NR2C2: variants seen among roughly 807,000 people sequenced by gnomAD.
NR2C2 encodes Nuclear hormone receptor TR4.
In NR2C2, 6 loss-of-function variants were observed where a neutral mutation model predicts 62.9. That is an observed-to-expected ratio of 0.10 (90% CI 0.05 to 0.19). NR2C2 has a LOEUF of 0.19. Ranked by LOEUF, NR2C2 falls within the 10% of genes least tolerant of loss-of-function variation. The pLI, the probability that NR2C2 is intolerant of heterozygous loss-of-function variation, is 1.00. For missense variants in NR2C2, 479 were observed against 762.7 expected (o/e 0.63, Z 4.38); for synonymous variants, 272 against 273.8 (o/e 0.99, Z 0.07).
chr3:14,997,185 G>A (rs1267979693), intron 1 of NR2C2, among the ~76,000 whole-genome samples: 1 of 152,172 alleles, frequency 6.6e-6, no homozygotes, highest in Non-Finnish European at 1.5e-5. Flanking sequence ...TTCTGTTAGA[G>A]TCGGTTATAG....
chr3:15,007,378 C>T (rs1005020017), intron 2 of NR2C2, among the ~76,000 whole-genome samples: 2 of 152,224 alleles, frequency 1.3e-5, no homozygotes, highest in African/African-American at 4.8e-5. Context: ...CCGCCTGCCT[C>T]GGCCTCCCAA....
At chr3:14,949,880 A>G (rs527734926) in intron 1 of NR2C2, among the ~76,000 whole-genome samples, 49 of 152,228 alleles carry the variant, frequency 3.2e-4, no homozygotes, top group Non-Finnish European at 6.0e-4. Context: ...AGATATTTAT[A>G]CACATACATA....
In NR2C2 at chr3:15,006,033, G is replaced by T. The variant is rs192104786; in HGVS notation, c.72+2047G>T. Among the ~76,000 whole-genome samples, 588 of 151,932 alleles carry T rather than the reference G, an allele frequency of 3.9e-3. 4 individuals are homozygous for T. The highest frequency in any genetic ancestry group is 4.7e-3 in the Non-Finnish European group (321 of 67,928). On this transcript the variant is annotated intron_variant, in intron 2 of 13. Coordinates refer to ENST00000425241, the MANE Select transcript of NR2C2 (RefSeq NM_001291694.2). ...CCAGCCTGGGCAACAAAGTGAGATTGTATCTCTACAAAAAAACTAAAAAAT... is the reference window on the plus strand; with the variant it reads ...CCAGCCTGGGCAACAAAGTGAGATTTTATCTCTACAAAAAAACTAAAAAAT...
intron 1 of NR2C2, among the ~76,000 whole-genome samples, chr3:14,966,907 T>G (rs1353094695): frequency 6.6e-6 from 1 of 152,242 alleles, no homozygotes; most frequent in Admixed American, 6.5e-5. Flanking sequence ...GTGACCTCTC[T>G]GTTTTTTGAA....
chr3:14,950,352 T>G (rs1213032089), intron 1 of NR2C2, among the ~76,000 whole-genome samples: 1 of 152,242 alleles, frequency 6.6e-6, no homozygotes, highest in Admixed American at 6.5e-5. Flanking sequence ...TTACAGGCAG[T>G]ATGTTGTTCA....
chr3:15,040,506 G>A (rs768561683), intron 13 of NR2C2, among the ~76,000 whole-genome samples: 1 of 152,220 alleles, frequency 6.6e-6, no homozygotes, highest in Non-Finnish European at 1.5e-5. Context: ...GCCCCTGGGG[G>A]CTACCCCTTC....
intron 1 of NR2C2, among the ~76,000 whole-genome samples, chr3:14,951,253 C>T (rs1407724219): frequency 6.6e-6 from 1 of 152,074 alleles, no homozygotes. Context: ...GTCTCTGTAG[C>T]CATTAATTCG....
intron 7 of NR2C2, chr3:15,026,049 T>C: frequency 6.5e-6 from 1 of 152,676 alleles, no homozygotes; most frequent in African/African-American, 2.4e-5. Flanking sequence ...GACAGGGTCT[T>C]GCTCTGTTGC....
intron 1 of NR2C2, among the ~76,000 whole-genome samples, chr3:14,970,858 T>C (rs891396258): frequency 1.3e-5 from 2 of 152,246 alleles, no homozygotes; most frequent in Admixed American, 1.3e-4. Context: ...CAACTTATGA[T>C]GGTTCAACTT....
At chr3:15,039,083 TAC>T in intron 12 of NR2C2, 37 bp from the exon 13 acceptor site, 1 of 1,455,938 alleles carries the variant, frequency 6.9e-7, no homozygotes, top group African/African-American at 1.5e-5. Flanking sequence ...ACTTTTCAAA[TAC>T]AGAGGGAACT....
chr3:15,041,229 A>AT (rs914269739), intron 13 of NR2C2, among the ~76,000 whole-genome samples: 1 of 152,086 alleles, frequency 6.6e-6, no homozygotes, highest in Non-Finnish European at 1.5e-5. Context: ...TGGAATATCC[A>AT]TTTTTTACTC....
intron 1 of NR2C2, among the ~76,000 whole-genome samples, chr3:14,996,322 A>G (rs2040831204): frequency 6.6e-6 from 1 of 152,250 alleles, no homozygotes; most frequent in African/African-American, 2.4e-5. Context: ...AATAAAATAC[A>G]AAGAATTTTC....
intron 1 of NR2C2, among the ~76,000 whole-genome samples, chr3:14,970,396 CATT>C (rs1156342511): frequency 6.6e-6 from 1 of 152,122 alleles, no homozygotes; most frequent in Non-Finnish European, 1.5e-5. Flanking sequence ...GTACTGGTCA[CATT>C]GTTCTGTAAC....
chr3:14,972,967 C>T (rs2040090654), intron 1 of NR2C2, among the ~76,000 whole-genome samples: 1 of 152,204 alleles, frequency 6.6e-6, no homozygotes, highest in South Asian at 2.1e-4. Context: ...CACCTCCCAT[C>T]AGGCCGCACC....
At chr3:14,991,638 G>A (rs533504734) in intron 1 of NR2C2, among the ~76,000 whole-genome samples, 49 of 152,070 alleles carry the variant, frequency 3.2e-4, no homozygotes, top group African/African-American at 1.2e-3. Flanking sequence ...AGTAACCCAT[G>A]AGAATTTTTG....
intron 1 of NR2C2, among the ~76,000 whole-genome samples, chr3:14,993,934 C>T (rs1404825190): frequency 6.6e-6 from 1 of 152,148 alleles, no homozygotes; most frequent in Non-Finnish European, 1.5e-5. Context: ...AGCCAAGGGA[C>T]AGCAGTCTCA....
At chr3:15,005,327 CAG>C in intron 2 of NR2C2, among the ~76,000 whole-genome samples, 2 of 148,580 alleles carry the variant, frequency 1.3e-5, no homozygotes, top group South Asian at 4.3e-4. Context: ...GCTGGGACTA[CAG>C]GTGCATACCA....
intron 1 of NR2C2, among the ~76,000 whole-genome samples, chr3:15,003,460 G>A (rs889832670): frequency 6.6e-6 from 1 of 152,128 alleles, no homozygotes; most frequent in African/African-American, 2.4e-5. Context: ...TCAGTGTAAT[G>A]TTGGTTTTGT....
chr3:14,990,155 C>T (rs1268919955), intron 1 of NR2C2, among the ~76,000 whole-genome samples: 1 of 152,070 alleles, frequency 6.6e-6, no homozygotes, highest in African/African-American at 2.4e-5. Flanking sequence ...GTTGAAGATG[C>T]TATATGCAGA....
Sources: allele counts gnomAD v4.1 joint callset (sites outside exome capture counted in the v4.1 genomes callset), GRCh38; gene constraint gnomAD v4.1.1; transcripts MANE v1.5; gene names NCBI Gene and HGNC (gene_info 2026-07-23, HGNC 2026-07-21).